The following MACROD2 variants were observed in gnomAD, a reference collection of about 807,000 sequenced individuals.
The protein encoded by MACROD2 is mono-ADP ribosylhydrolase 2.
A neutral mutation model predicts 70.4 loss-of-function variants in MACROD2; 36 were observed. The observed-to-expected ratio is 0.51, with a 90% confidence interval of 0.39 to 0.68. MACROD2 has a LOEUF of 0.68. MACROD2 is among the 30% of genes least tolerant of loss of function. The pLI, the probability that MACROD2 is intolerant of heterozygous loss-of-function variation, is 0.00. For missense variants in MACROD2, 496 were observed against 538.4 expected (o/e 0.92, Z 0.78); for synonymous variants, 172 against 178.8 (o/e 0.96, Z 0.30).
chr20:15,066,465 G>A lies in MACROD2; in HGVS notation c.419-163475G>A, dbSNP rs572307560. 2.0e-5 allele frequency among the ~76,000 whole-genome samples: 3 copies of A among 152,202 alleles called. No homozygotes were observed. In the South Asian group the frequency reaches 6.2e-4, roughly 32 times the overall value. On this transcript the variant is annotated intron_variant, in intron 5 of 17. Coordinates refer to ENST00000684519, the MANE Select transcript of MACROD2 (RefSeq NM_001351661.2). Reference sequence around the variant, plus strand: ...AGCTGCTGCTTAAGACCTAAGCTCAGAATAGGCCCAATGTTACTGTTGCCT... The same window carrying A: ...AGCTGCTGCTTAAGACCTAAGCTCAAAATAGGCCCAATGTTACTGTTGCCT...
intron 3 of MACROD2, among the ~76,000 whole-genome samples, chr20:14,229,942 TG>T (rs1434579667): frequency 2.6e-5 from 4 of 152,238 alleles, no homozygotes; most frequent in Non-Finnish European, 5.9e-5. Flanking sequence ...TCACAGAAAT[TG>T]TTTGCTTTCC....
rs149676363 is a variant in MACROD2, at chr20:14,501,211, A to G, written c.301+7703A>G. Among the ~76,000 whole-genome samples, 850 of 152,232 alleles carry G rather than the reference A, an allele frequency of 5.6e-3. 2 individuals carry two copies. Among genetic ancestry groups the G allele is most frequent in the Non-Finnish European group, 8.8e-3 (599 of 67,978 alleles). On this transcript the variant is annotated intron_variant, in intron 4 of 17. Coordinates refer to ENST00000684519, the MANE Select transcript of MACROD2 (RefSeq NM_001351661.2). ...AATATATTTACTTTAAATGGGCAAT[A>G]AAGAGAACAATATGTAATTGAATAG... is the stretch of plus-strand genomic sequence containing the variant.
chr20:14,326,564 A>G lies in MACROD2; in HGVS notation c.272-166915A>G. On this transcript the variant is annotated intron_variant, in intron 3 of 17. Transcript: ENST00000684519. The surrounding 1 kb of genome is among the most constrained non-coding windows in gnomAD (Gnocchi z 5.5). Reference sequence around the variant, plus strand: ...AGTGATTGTAACCAGTCACGTACCCATTTCATCTTGCACCCGCAATACCAG... The same window carrying G: ...AGTGATTGTAACCAGTCACGTACCCGTTTCATCTTGCACCCGCAATACCAG... 6.2e-7 allele frequency: 1 copy of G among 1,613,898 alleles called. No individual in the cohort carries two copies. Among genetic ancestry groups the G allele is most frequent in the Admixed American group, 1.7e-5 (1 of 59,976 alleles).
intron 2 of MACROD2, among the ~76,000 whole-genome samples, chr20:14,013,218 T>C (rs1327670754): frequency 6.6e-6 from 1 of 152,076 alleles, no homozygotes; most frequent in Non-Finnish European, 1.5e-5. Context: ...AGAATCAATG[T>C]ATAAGTGGAC....
At chr20:15,237,932 C>A (rs1005098794) in intron 6 of MACROD2, among the ~76,000 whole-genome samples, 10 of 152,120 alleles carry the variant, frequency 6.6e-5, no homozygotes, top group Non-Finnish European at 1.3e-4. Flanking sequence ...AGGGTATTTG[C>A]TAGAAGATGC....
At chr20:14,241,266 T>C (rs932358433) in intron 3 of MACROD2, among the ~76,000 whole-genome samples, 5 of 152,274 alleles carry the variant, frequency 3.3e-5, no homozygotes, top group Non-Finnish European at 7.3e-5. Flanking sequence ...AAATATCATC[T>C]TGCTAAGTGG....
chr20:15,006,804 C>G (rs1057320306), intron 5 of MACROD2, among the ~76,000 whole-genome samples: 81 of 152,256 alleles, frequency 5.3e-4, no homozygotes, highest in African/African-American at 1.8e-3. Context: ...TGCTCTCGGG[C>G]TGGCTGCCTA....
At chr20:15,779,189 GT>G (rs1159523266) in intron 8 of MACROD2, among the ~76,000 whole-genome samples, 1 of 152,074 alleles carries the variant, frequency 6.6e-6, no homozygotes, top group Non-Finnish European at 1.5e-5. Flanking sequence ...CTCTCTTATT[GT>G]TGAAATTCTC....
At chr20:14,960,340 T>A (rs538062746) in intron 5 of MACROD2, among the ~76,000 whole-genome samples, 1 of 152,262 alleles carries the variant, frequency 6.6e-6, no homozygotes, top group East Asian at 1.9e-4. Context: ...GTGGAGAATG[T>A]TCCCCCAGCA....
At chr20:14,631,586 C>T (rs946993325) in intron 4 of MACROD2, among the ~76,000 whole-genome samples, 2 of 152,042 alleles carry the variant, frequency 1.3e-5, no homozygotes, top group Non-Finnish European at 2.9e-5. Context: ...CTGGCTAACA[C>T]CGTGAAACCC....
intron 3 of MACROD2, among the ~76,000 whole-genome samples, chr20:14,189,428 C>T (rs922871795): frequency 6.6e-6 from 1 of 152,044 alleles, no homozygotes; most frequent in Non-Finnish European, 1.5e-5. Context: ...TAAAGAAAGG[C>T]TTTTTGTGAA....
chr20:15,494,778 C>T (rs943778665), intron 7 of MACROD2, among the ~76,000 whole-genome samples: 78 of 135,368 alleles, frequency 5.8e-4, no homozygotes, highest in East Asian at 3.0e-3. Context: ...TGTGTGTGTG[C>T]GCGCGTGTGT....
intron 5 of MACROD2, among the ~76,000 whole-genome samples, chr20:14,899,822 A>G (rs2073875019): frequency 6.6e-6 from 1 of 152,144 alleles, no homozygotes; most frequent in Admixed American, 6.5e-5. Flanking sequence ...ACAACAACAA[A>G]CCAAACTTTA....
intron 5 of MACROD2, among the ~76,000 whole-genome samples, chr20:14,954,516 T>TA (rs2074502661): frequency 7.2e-6 from 1 of 139,554 alleles, no homozygotes; most frequent in Non-Finnish European, 1.5e-5. Flanking sequence ...TATTATATAA[T>TA]TAATATTATA....
intron 3 of MACROD2, among the ~76,000 whole-genome samples, chr20:14,482,488 T>C (rs2084674187): frequency 6.6e-6 from 1 of 151,298 alleles, no homozygotes. Flanking sequence ...CGTCATGAGT[T>C]AGATTTGTGC....
intron 8 of MACROD2, among the ~76,000 whole-genome samples, chr20:15,626,045 C>T (rs777020859): frequency 6.6e-6 from 1 of 151,932 alleles, no homozygotes; most frequent in African/African-American, 2.4e-5. Context: ...TGAGTGAGGC[C>T]GTGTGGTGAT....
At chr20:14,685,310 C>G (rs2070988595) in intron 5 of MACROD2, among the ~76,000 whole-genome samples, 1 of 152,092 alleles carries the variant, frequency 6.6e-6, no homozygotes, top group Non-Finnish European at 1.5e-5. Context: ...GGAAATGATG[C>G]CAATTTCTTA....
At chr20:15,345,379 T>A (rs1400364174) in intron 6 of MACROD2, among the ~76,000 whole-genome samples, 2 of 152,204 alleles carry the variant, frequency 1.3e-5, no homozygotes, top group Non-Finnish European at 2.9e-5. Context: ...ATTTTAATTG[T>A]CTGTATCCAG....
intron 8 of MACROD2, among the ~76,000 whole-genome samples, chr20:15,843,514 A>C (rs1193870334): frequency 6.6e-6 from 1 of 152,232 alleles, no homozygotes; most frequent in East Asian, 1.9e-4. Context: ...ACAATAACTG[A>C]TACTTAAGTG....
Sources: allele counts gnomAD v4.1 joint callset (sites outside exome capture counted in the v4.1 genomes callset), GRCh38; gene constraint gnomAD v4.1.1; non-coding constraint Gnocchi (gnomAD v3.1); transcripts MANE v1.5; gene names NCBI Gene and HGNC (gene_info 2026-07-23, HGNC 2026-07-21).